The following NAV1 variants were observed in gnomAD, a reference collection of about 807,000 sequenced individuals.
NAV1 encodes the protein neuron navigator 1, also known as pore membrane and/or filament interacting like protein 3.
In NAV1, 18 loss-of-function variants were observed where a neutral mutation model predicts 175.2. The observed-to-expected ratio is 0.10, with a 90% CI of 0.07 to 0.15. The LOEUF is 0.15. NAV1 is among the 10% of genes least tolerant of loss of function. NAV1 has a pLI of 1.00. For missense variants in NAV1, 1,731 were observed against 2,436.6 expected, an observed-to-expected ratio of 0.71 and a Z score of 6.10; for synonymous variants, 897 against 978.7, an observed-to-expected ratio of 0.92 and a Z score of 1.56.
chr1:201,717,867 G>T (rs1428556776), intron 2 of NAV1, among the ~76,000 whole-genome samples: 1 of 152,192 alleles, frequency 6.6e-6, no homozygotes, highest in Non-Finnish European at 1.5e-5. Flanking sequence ...GAAGAGAGGT[G>T]ATGGACACAC....
chr1:201,748,212 CTT>C (rs776171514), intron 3 of NAV1, among the ~76,000 whole-genome samples: 4 of 152,186 alleles, frequency 2.6e-5, no homozygotes, highest in Non-Finnish European at 5.9e-5. Context: ...CTCTCTCACT[CTT>C]ATGAATTAAG....
intron 1 of NAV1, among the ~76,000 whole-genome samples, chr1:201,586,076 T>C (rs926610499): frequency 6.6e-6 from 1 of 152,198 alleles, no homozygotes; most frequent in African/African-American, 2.4e-5. Flanking sequence ...CATGTATCTG[T>C]TGACAGATGA....
intron 2 of NAV1, among the ~76,000 whole-genome samples, chr1:201,642,525 T>TTTTTCTTTC (rs1553247053): frequency 2.3e-4 from 23 of 100,304 alleles, no homozygotes; most frequent in African/African-American, 8.2e-4. Context: ...TTCTTTCTTT[T>TTTTTCTTTC]TTTCTTTCTT....
At chr1:201,609,500 C>T (rs1189397954) in intron 2 of NAV1, among the ~76,000 whole-genome samples, 1 of 152,200 alleles carries the variant, frequency 6.6e-6, no homozygotes, top group East Asian at 1.9e-4. Context: ...AGACCAGTGG[C>T]CCTGGAAGTA....
chr1:201,638,181 A>G (rs938627671), intron 2 of NAV1, among the ~76,000 whole-genome samples: 11 of 152,208 alleles, frequency 7.2e-5, no homozygotes, highest in Non-Finnish European at 1.6e-4. Context: ...AATCAAGAAG[A>G]CAACCCAGAA....
intron 1 of NAV1, among the ~76,000 whole-genome samples, chr1:201,704,264 A>G (rs1007837381): frequency 2.1e-4 from 32 of 152,232 alleles, no homozygotes; most frequent in Admixed American, 2.0e-3. Flanking sequence ...TGTGCTAAGC[A>G]GGAGACTGAG....
intron 15 of NAV1, chr1:201,797,213 C>G (rs1438933804): frequency 6.6e-6 from 1 of 152,174 alleles, no homozygotes; most frequent in Non-Finnish European, 1.5e-5. Context: ...TCCAGTTGTT[C>G]CAGCATCATT....
intron 1 of NAV1, among the ~76,000 whole-genome samples, chr1:201,553,978 C>T (rs201757502): frequency 9.9e-5 from 15 of 152,272 alleles, no homozygotes; most frequent in East Asian, 9.6e-4. Flanking sequence ...TTAAGCTGGT[C>T]GGTCCTTAGT....
Position 201,605,001 on chromosome 1 carries a change from A to G in NAV1, c.-33+16352A>G, listed in dbSNP as rs558466079. On this transcript the variant is annotated intron_variant, in intron 2 of 33. Coordinates refer to the NAV1 transcript ENST00000685211. ...CTAAATATTTATTCATCCTGCTACAATGTAAACACAGCTATGCAAATATAT... is the reference window on the plus strand; with the variant it reads ...CTAAATATTTATTCATCCTGCTACAGTGTAAACACAGCTATGCAAATATAT... 7.9e-5 allele frequency among the ~76,000 whole-genome samples: 12 copies of G among 152,286 alleles called. No individual in the cohort carries two copies. In the South Asian group the frequency reaches 2.3e-3, roughly 29 times the overall value.
chr1:201,734,701 CA>C (rs1673037818), intron 3 of NAV1, among the ~76,000 whole-genome samples: 1 of 152,032 alleles, frequency 6.6e-6, no homozygotes, highest in South Asian at 2.1e-4. Context: ...TGTACACACA[CA>C]AACACACACA....
At chr1:201,590,997 T>C (rs1667176219) in intron 2 of NAV1, among the ~76,000 whole-genome samples, 1 of 152,180 alleles carries the variant, frequency 6.6e-6, no homozygotes, top group Non-Finnish European at 1.5e-5. Context: ...CATCTAACCT[T>C]CTACCTTTCT....
chr1:201,777,156 C>G (rs539254486), intron 3 of NAV1, among the ~76,000 whole-genome samples: 1 of 152,160 alleles, frequency 6.6e-6, no homozygotes, highest in Non-Finnish European at 1.5e-5. Flanking sequence ...TTTTCAGAAA[C>G]CTACTGGAAG....
chr1:201,697,653 G>A (rs1021397332), intron 1 of NAV1, among the ~76,000 whole-genome samples: 1 of 152,172 alleles, frequency 6.6e-6, no homozygotes, highest in Admixed American at 6.5e-5. Context: ...TTAACATTCA[G>A]CCTCTTCTGG....
upstream of NAV1, among the ~76,000 whole-genome samples, chr1:201,645,784 T>C (rs1390075497): frequency 2.6e-5 from 4 of 152,186 alleles, no homozygotes; most frequent in African/African-American, 7.2e-5. Flanking sequence ...AGAAAGAGGA[T>C]ATAGAGACAG....
At chr1:201,648,752 G>A (rs1288411166) in exon 1 of NAV1, 3 of 1,403,836 alleles carry the variant, frequency 2.1e-6, no homozygotes, top group Non-Finnish European at 2.8e-6. Context: ...ACGAACCGCG[G>A]GGCGCCGGCA....
intron 29 of NAV1, among the ~76,000 whole-genome samples, chr1:201,818,353 C>T (rs544968091): frequency 5.3e-5 from 8 of 151,874 alleles, no homozygotes; most frequent in African/African-American, 9.7e-5. Context: ...ATGGTGAAAC[C>T]CCGTCTCTAC....
intron 3 of NAV1, chr1:201,725,014 G>C (rs1384686431): frequency 2.0e-5 from 3 of 152,296 alleles, no homozygotes; most frequent in Non-Finnish European, 4.4e-5. Flanking sequence ...GCCTTAAAGA[G>C]ACACTTCCAG....
chr1:201,615,723 A>G (rs1020493201), intron 2 of NAV1, among the ~76,000 whole-genome samples: 2 of 152,246 alleles, frequency 1.3e-5, no homozygotes, highest in Non-Finnish European at 2.9e-5. Context: ...CATAGCAGGA[A>G]GTAGCAGAGC....
chr1:201,772,574 G>A (rs143827069), intron 3 of NAV1, among the ~76,000 whole-genome samples: 127 of 152,276 alleles, frequency 8.3e-4, no homozygotes, highest in African/African-American at 3.0e-3. Flanking sequence ...GGATTTTATT[G>A]GAGATGAAAT....
Sources: allele counts gnomAD v4.1 joint callset (sites outside exome capture counted in the v4.1 genomes callset), GRCh38; gene constraint gnomAD v4.1.1; transcripts MANE v1.5; gene names NCBI Gene and HGNC (gene_info 2026-07-23, HGNC 2026-07-21).